Variants in HIBADH observed in about 807,000 individuals in gnomAD.
The protein encoded by HIBADH is 3-hydroxyisobutyrate dehydrogenase, mitochondrial.
In HIBADH, 25 loss-of-function variants were observed where a neutral mutation model predicts 36.1. The ratio of observed to expected loss-of-function variants is 0.69; its 90% CI spans 0.50 to 0.97. The LOEUF (loss-of-function observed/expected upper bound fraction) is 0.97, where lower values mean the gene tolerates loss of function less well. Ranked by LOEUF, HIBADH falls within the 50% of genes least tolerant of loss-of-function variation. The pLI, the probability that HIBADH is intolerant of heterozygous loss-of-function variation, is 0.00. For missense variants in HIBADH, 421 were observed against 418.0 expected (o/e 1.01, Z -0.06); for synonymous variants, 160 against 149.5 (o/e 1.07, Z -0.51).
chr7:27,613,399 C>CA (rs1403745447), intron 4 of HIBADH, among the ~76,000 whole-genome samples: 4 of 143,292 alleles, frequency 2.8e-5, no homozygotes, highest in Admixed American at 1.4e-4. Flanking sequence ...AGCACAACAA[C>CA]AAAAAAATAA....
chr7:27,572,301 A>C (rs1784641746), intron 4 of HIBADH, among the ~76,000 whole-genome samples: 1 of 152,196 alleles, frequency 6.6e-6, no homozygotes, highest in Non-Finnish European at 1.5e-5. Context: ...CATTTATTGT[A>C]ATTTATCCAG....
intron 4 of HIBADH, among the ~76,000 whole-genome samples, chr7:27,556,462 T>G (rs1178092610): frequency 6.6e-6 from 1 of 152,204 alleles, no homozygotes; most frequent in Non-Finnish European, 1.5e-5. Context: ...TTTAATGGTT[T>G]TTTATTATTT....
intron 7 of HIBADH, among the ~76,000 whole-genome samples, chr7:27,529,252 CAA>C (rs919421245): frequency 5.6e-4 from 86 of 152,228 alleles, no homozygotes; most frequent in African/African-American, 1.9e-3. Flanking sequence ...GCCCATGGAT[CAA>C]AGAGTCATTT....
intron 4 of HIBADH, among the ~76,000 whole-genome samples, chr7:27,613,662 T>TTTG (rs766267097): frequency 1.9e-4 from 11 of 58,962 alleles, no homozygotes; most frequent in African/African-American, 3.1e-4. Flanking sequence ...GTGGGTTTTT[T>TTTG]TTGTTTTTTT....
At chr7:27,593,668 T>C (rs1349633239) in intron 4 of HIBADH, among the ~76,000 whole-genome samples, 1 of 152,022 alleles carries the variant, frequency 6.6e-6, no homozygotes, top group African/African-American at 2.4e-5. Flanking sequence ...ATTAACCAAA[T>C]GTTTAATAAC....
intron 4 of HIBADH, among the ~76,000 whole-genome samples, chr7:27,585,214 C>T (rs549173672): frequency 2.3e-4 from 35 of 151,284 alleles, no homozygotes; most frequent in South Asian, 6.3e-4. Flanking sequence ...TATAAAAGTA[C>T]GTGTGTATAT....
At chr7:27,629,021 T>C (rs1583607794) in intron 4 of HIBADH, among the ~76,000 whole-genome samples, 1 of 152,170 alleles carries the variant, frequency 6.6e-6, no homozygotes, top group East Asian at 1.9e-4. Flanking sequence ...TTTCTTTTTT[T>C]CCCACTTGTT....
intron 4 of HIBADH, among the ~76,000 whole-genome samples, chr7:27,596,116 TAAG>T (rs1021703024): frequency 1.2e-4 from 19 of 152,172 alleles, no homozygotes; most frequent in African/African-American, 3.9e-4. Context: ...TTTCTGAGAC[TAAG>T]AAGTCCAAGT....
At chr7:27,651,715 T>A (rs1786199154) in intron 1 of HIBADH, among the ~76,000 whole-genome samples, 1 of 152,104 alleles carries the variant, frequency 6.6e-6, no homozygotes, top group African/African-American at 2.4e-5. Context: ...CAACAAACAC[T>A]AAGCAACTAT....
chr7:27,579,972 A>G (rs1453573828), intron 4 of HIBADH, among the ~76,000 whole-genome samples: 2 of 151,802 alleles, frequency 1.3e-5, no homozygotes, highest in Non-Finnish European at 2.9e-5. Flanking sequence ...CCCATACAAA[A>G]ACCGCACTGC....
chr7:27,577,364 T>C (rs1477606457), intron 4 of HIBADH, among the ~76,000 whole-genome samples: 2 of 152,114 alleles, frequency 1.3e-5, no homozygotes, highest in Admixed American at 6.5e-5. Flanking sequence ...GGTTTCTCCA[T>C]GTTGGCCATG....
At chr7:27,610,314 A>AACC (rs1411329789) in intron 4 of HIBADH, among the ~76,000 whole-genome samples, 1 of 152,092 alleles carries the variant, frequency 6.6e-6, no homozygotes, top group African/African-American at 2.4e-5. Flanking sequence ...ATACCCATAA[A>AACC]ACCACCACCA....
chr7:27,586,676 C>T (rs1784869575), intron 4 of HIBADH, among the ~76,000 whole-genome samples: 1 of 151,178 alleles, frequency 6.6e-6, no homozygotes, highest in East Asian at 2.0e-4. Flanking sequence ...GAGGAGGAGA[C>T]AAAAAGAAAA....
chr7:27,659,488 G>A (rs1562664101), intron 1 of HIBADH, among the ~76,000 whole-genome samples: 1 of 152,148 alleles, frequency 6.6e-6, no homozygotes, highest in Non-Finnish European at 1.5e-5. Flanking sequence ...GCTGAGGCAG[G>A]AGGATCAGTT....
intron 4 of HIBADH, among the ~76,000 whole-genome samples, chr7:27,575,118 A>G (rs1784688768): frequency 6.6e-6 from 1 of 152,246 alleles, no homozygotes; most frequent in Admixed American, 6.5e-5. Context: ...CCAGAATAAA[A>G]TTAGAAAGCC....
At chr7:27,542,598 T>C (rs1362328372) in intron 5 of HIBADH, among the ~76,000 whole-genome samples, 2 of 151,772 alleles carry the variant, frequency 1.3e-5, no homozygotes, top group Non-Finnish European at 2.9e-5. Flanking sequence ...ACTATAAGTG[T>C]GTGTCACCAC....
chr7:27,645,906 T>G (rs1583617787), intron 2 of HIBADH, among the ~76,000 whole-genome samples: 1 of 152,242 alleles, frequency 6.6e-6, no homozygotes, highest in Non-Finnish European at 1.5e-5. Flanking sequence ...CTGTGAATTG[T>G]TTTTCACTTT....
intron 2 of HIBADH, 135 bp from the exon 3 acceptor site, chr7:27,632,580 CAA>C (rs143191859): frequency 0.073 from 14,427 of 197,338 alleles, no homozygotes; most frequent in South Asian, 0.099. Flanking sequence ...TGCAAATGAC[CAA>C]AAAAAAAAAA....
intron 4 of HIBADH, among the ~76,000 whole-genome samples, chr7:27,586,542 T>G (rs1015657745): frequency 2.2e-4 from 33 of 152,018 alleles, no homozygotes; most frequent in Non-Finnish European, 1.5e-5. Context: ...ATCTGAGCAA[T>G]CAATACTCTA....
Sources: allele counts gnomAD v4.1 joint callset (sites outside exome capture counted in the v4.1 genomes callset), GRCh38; gene constraint gnomAD v4.1.1; transcripts MANE v1.5; gene names NCBI Gene and HGNC (gene_info 2026-07-23, HGNC 2026-07-21).